The following WDR19 variants were observed in gnomAD, a reference collection of about 807,000 sequenced individuals.
WDR19 encodes WD repeat-containing protein 19.
WDR19 carries 121 observed loss-of-function variants against 180.0 expected under a neutral mutation model. The observed-to-expected ratio is 0.67, with a 90% CI of 0.58 to 0.78. WDR19 has a LOEUF of 0.78. Among genes scored for constraint, WDR19 ranks in the 30% least tolerant of loss-of-function variants. WDR19 has a pLI of 0.00. For missense variants in WDR19, 1,450 were observed against 1,640.7 expected (o/e 0.88, Z 2.01); for synonymous variants, 497 against 540.7 (o/e 0.92, Z 1.12).
intron 15 of WDR19, among the ~76,000 whole-genome samples, chr4:39,226,968 A>G (rs1455027598): frequency 6.6e-6 from 1 of 152,074 alleles, no homozygotes; most frequent in African/African-American, 2.4e-5. Context: ...GCCAGCATCT[A>G]TTGTTTCTTG....
chr4:39,274,709 C>T, intron 32 of WDR19, 99 bp from the exon 33 acceptor site: 1 of 1,411,356 alleles, frequency 7.1e-7, no homozygotes, highest in Non-Finnish European at 9.7e-7. Context: ...GTTCAGAGAC[C>T]ATGACCCTGT....
At chr4:39,285,162 CTG>C (rs1491446302) in intron 36 of WDR19, among the ~76,000 whole-genome samples, 104 of 151,976 alleles carry the variant, frequency 6.8e-4, no homozygotes, top group African/African-American at 1.1e-3. Context: ...ACAAATATAA[CTG>C]TTTAATTTCA....
chr4:39,243,366 AT>A (rs1463129967), intron 21 of WDR19, among the ~76,000 whole-genome samples: 3 of 152,182 alleles, frequency 2.0e-5, no homozygotes, highest in African/African-American at 4.8e-5. Context: ...AAGCAAAAAA[AT>A]ATATTTTATT....
intron 36 of WDR19, among the ~76,000 whole-genome samples, chr4:39,280,971 G>A (rs1736441219): frequency 1.3e-5 from 2 of 152,032 alleles, no homozygotes; most frequent in Admixed American, 6.6e-5. Flanking sequence ...AGAATTTGCT[G>A]AAAAGACAAA....
At chr4:39,254,647 A>T (rs1363121330) in intron 26 of WDR19, among the ~76,000 whole-genome samples, 5 of 152,132 alleles carry the variant, frequency 3.3e-5, no homozygotes, top group Admixed American at 1.3e-4. Context: ...AATATATATA[A>T]TATAAAATTT....
At chr4:39,216,846 G>A (rs1445562441) in intron 12 of WDR19, among the ~76,000 whole-genome samples, 1 of 152,012 alleles carries the variant, frequency 6.6e-6, no homozygotes, top group African/African-American at 2.4e-5. Context: ...TAAGTTTCTT[G>A]CAACTTAAGG....
In WDR19 at chr4:39,278,657, C is replaced by T. The variant is rs373704906; in HGVS notation, c.*7C>T. 7.5e-5 allele frequency: 120 copies of T among 1,600,898 alleles called. 2 individuals are homozygous for T. Among genetic ancestry groups the T allele is most frequent in the Admixed American group, 2.0e-4 (12 of 59,212 alleles). On this transcript the variant is annotated 3_prime_UTR_variant, in exon 36 of 37. Transcript: ENST00000399820. The stretch of plus-strand genomic sequence containing the variant: ...AACGGAGGAGGAACTGTGATTGGCA[C>T]GTGCAGGTGAGTGGCAGAGCGCCCA...
intron 23 of WDR19, 107 bp downstream of exon 23, chr4:39,244,659 C>T (rs1483820666): frequency 8.5e-7 from 1 of 1,179,284 alleles, no homozygotes; most frequent in Non-Finnish European, 1.2e-6. Context: ...CATTCTGTTC[C>T]CCTATCTAGA....
intron 13 of WDR19, among the ~76,000 whole-genome samples, chr4:39,217,665 G>A (rs563454109): frequency 1.4e-4 from 21 of 152,244 alleles, no homozygotes; most frequent in African/African-American, 4.8e-4. Context: ...AGAGATGTTG[G>A]CACCTGTGAA....
chr4:39,255,072 TA>T (rs970600031), intron 26 of WDR19, among the ~76,000 whole-genome samples: 2 of 151,998 alleles, frequency 1.3e-5, no homozygotes, highest in East Asian at 3.9e-4. Flanking sequence ...AAAACAGAGT[TA>T]AAAAAAAGAA....
chr4:39,222,750 C>G (rs1337170212), intron 14 of WDR19, among the ~76,000 whole-genome samples: 1 of 152,138 alleles, frequency 6.6e-6, no homozygotes, highest in African/African-American at 2.4e-5. Context: ...AATTCACATG[C>G]AGTTGTAAGA....
At chr4:39,238,174 A>G (rs989082038) in intron 20 of WDR19, among the ~76,000 whole-genome samples, 27 of 152,206 alleles carry the variant, frequency 1.8e-4, no homozygotes, top group Admixed American at 7.9e-4. Flanking sequence ...GGTATAGTTC[A>G]TTGTCATCAA....
In WDR19 at chr4:39,268,053, A is replaced by C; in HGVS notation, c.3320A>C (p.Gln1107Pro). The C allele has an allele frequency of 6.2e-7, 1 of 1,602,596 alleles. No homozygotes were observed. The highest frequency in any genetic ancestry group is 8.5e-7 in the Non-Finnish European group (1 of 1,174,312). The change falls in exon 30 of 37, where the codon CAG (glutamine) becomes CCG (proline). Residue 1107 changes from glutamine to proline, a missense_variant. Transcript: ENST00000399820. ...MALKQYREAA[Q>P]TAIIIAREEQ... The stretch of plus-strand genomic sequence containing the variant: ...CTGAAGCAATACCGAGAAGCTGCCC[A>C]GACTGCCATCATCATTGCCAGAGAA...
chr4:39,284,080 T>C (rs911909351), intron 36 of WDR19, among the ~76,000 whole-genome samples: 1 of 152,116 alleles, frequency 6.6e-6, no homozygotes, highest in Non-Finnish European at 1.5e-5. Context: ...TGGGATTTTC[T>C]AGAATTCTCG....
intron 10 of WDR19, 126 bp from the exon 11 acceptor site, chr4:39,215,715 A>G (rs1012378261): frequency 1.3e-5 from 13 of 1,014,126 alleles, no homozygotes; most frequent in Non-Finnish European, 1.6e-5. Flanking sequence ...AAAAAAAACT[A>G]CTTAAACTAG....
chr4:39,237,099 T>C (rs6845858), intron 20 of WDR19, among the ~76,000 whole-genome samples: 50,625 of 152,084 alleles, frequency 0.33, 8,712 homozygotes, highest in African/African-American at 0.41. Flanking sequence ...TTCAAAAATA[T>C]TAAAATATGG....
At chr4:39,265,949 T>C in intron 28 of WDR19, 114 bp from the exon 29 acceptor site, 5 of 848,964 alleles carry the variant, frequency 5.9e-6, no homozygotes, top group South Asian at 3.1e-5. Flanking sequence ...CACTTTACTA[T>C]AGATACTATT....
chr4:39,217,905 G>C (rs1729236639), intron 13 of WDR19, 78 bp from the exon 14 acceptor site: 1 of 1,534,742 alleles, frequency 6.5e-7, no homozygotes, highest in Non-Finnish European at 8.8e-7. Flanking sequence ...GTGAACTTGA[G>C]AAAAAGACAC....
chr4:39,224,773 C>A, intron 14 of WDR19, 111 bp from the exon 15 acceptor site: 2 of 962,646 alleles, frequency 2.1e-6, no homozygotes, highest in Non-Finnish European at 3.0e-6. Context: ...TCATCAAAAA[C>A]ATGACATTTT....
Sources: allele counts gnomAD v4.1 joint callset (sites outside exome capture counted in the v4.1 genomes callset), GRCh38; gene constraint gnomAD v4.1.1; transcripts MANE v1.5; gene names NCBI Gene and HGNC (gene_info 2026-07-23, HGNC 2026-07-21).